The following PDE1C variants were observed in gnomAD, a reference collection of about 807,000 sequenced individuals.
PDE1C encodes the protein phosphodiesterase 1C.
A neutral mutation model predicts 93.1 loss-of-function variants in PDE1C; 62 were observed. The ratio of observed to expected loss-of-function variants is 0.67; its 90% CI spans 0.54 to 0.82. The LOEUF (loss-of-function observed/expected upper bound fraction) is 0.82, where lower values mean the gene tolerates loss of function less well. PDE1C is among the 40% of genes least tolerant of loss of function. PDE1C has a pLI of 0.00. For missense variants in PDE1C, 742 were observed against 884.6 expected, an observed-to-expected ratio of 0.84 and a Z score of 2.04; for synonymous variants, 325 against 310.1, an observed-to-expected ratio of 1.05 and a Z score of -0.50.
At chr7:32,106,720 GC>G (rs1798331062) in intron 3 of PDE1C, among the ~76,000 whole-genome samples, 1 of 152,204 alleles carries the variant, frequency 6.6e-6, no homozygotes, top group Admixed American at 6.5e-5. Flanking sequence ...CAAGAATTAG[GC>G]CTTAGAATTA....
the PDE1C span, among the ~76,000 whole-genome samples, chr7:31,669,959 C>T: frequency 6.6e-6 from 1 of 152,158 alleles, no homozygotes; most frequent in South Asian, 2.1e-4. Context: ...ATGTGTTCAA[C>T]CTTGGAATGT....
chr7:32,186,119 G>A (rs1418586325), intron 2 of PDE1C, among the ~76,000 whole-genome samples: 1 of 129,696 alleles, frequency 7.7e-6, no homozygotes, highest in East Asian at 2.3e-4. Context: ...TTTTTGAGAC[G>A]GAGTCTCGCT....
the PDE1C span, among the ~76,000 whole-genome samples, chr7:31,719,596 T>G: frequency 2.6e-5 from 4 of 152,110 alleles, no homozygotes; most frequent in Admixed American, 2.0e-4. Context: ...ACATAATCCC[T>G]CCATGCTCTC....
At chr7:32,356,683 G>T (rs1267086975) in intron 1 of PDE1C, among the ~76,000 whole-genome samples, 1 of 152,152 alleles carries the variant, frequency 6.6e-6, no homozygotes, top group South Asian at 2.1e-4. Flanking sequence ...TTAGCTGATG[G>T]TCTGTTAGTT....
At chr7:31,715,011 A>G in the PDE1C span, among the ~76,000 whole-genome samples, 1 of 152,198 alleles carries the variant, frequency 6.6e-6, no homozygotes. Context: ...ATGCTGGATT[A>G]TCACCATATG....
intron 2 of PDE1C, among the ~76,000 whole-genome samples, chr7:32,033,976 T>A (rs552648566): frequency 4.6e-5 from 7 of 152,026 alleles, no homozygotes; most frequent in Non-Finnish European, 7.3e-5. Flanking sequence ...ATCAGCTTAC[T>A]GGGTTATAGC....
intron 2 of PDE1C, among the ~76,000 whole-genome samples, chr7:31,944,877 T>C (rs1243534089): frequency 6.6e-6 from 1 of 152,090 alleles, no homozygotes. Context: ...CTCCTTAACG[T>C]TTTTGAAGAA....
At chr7:31,633,823 C>A in the PDE1C span, among the ~76,000 whole-genome samples, 1 of 152,132 alleles carries the variant, frequency 6.6e-6, no homozygotes, top group Non-Finnish European at 1.5e-5. Flanking sequence ...TTCAAACAGT[C>A]TGAGGTTGAA....
intron 3 of PDE1C, among the ~76,000 whole-genome samples, chr7:32,083,881 C>G (rs1796877319): frequency 6.6e-6 from 1 of 151,972 alleles, no homozygotes; most frequent in Non-Finnish European, 1.5e-5. Flanking sequence ...AAACCGGTAC[C>G]AGCTGCTGCA....
In PDE1C at chr7:32,034,768, T is replaced by C. The variant is rs193291890; in HGVS notation, c.128+16786A>G. Among the ~76,000 whole-genome samples the C allele has an allele frequency of 1.1e-4, 16 of 152,198 alleles. 1 individual carries two copies. The South Asian group carries it at 2.5e-3, about 24-fold the overall frequency. ...TAAGAGATTGGGGCCAAAAGTCAAATTGACCTCAATTGAACCAAGCCCCAT... is the reference window on the plus strand; with the variant it reads ...TAAGAGATTGGGGCCAAAAGTCAAACTGACCTCAATTGAACCAAGCCCCAT... On this transcript the variant is annotated intron_variant, in intron 2 of 17. Coordinates refer to ENST00000396191, the MANE Select transcript of PDE1C (RefSeq NM_001191057.4).
chr7:32,388,537 G>A (rs932531276), intron 1 of PDE1C, among the ~76,000 whole-genome samples: 2 of 151,856 alleles, frequency 1.3e-5, no homozygotes, highest in Non-Finnish European at 2.9e-5. Context: ...AAAATTAGCC[G>A]AGCATGGGGG....
At chr7:32,014,079 G>T (rs7783203) in intron 2 of PDE1C, among the ~76,000 whole-genome samples, 65,097 of 152,102 alleles carry the variant, frequency 0.43, 14,866 homozygotes, top group Non-Finnish European at 0.53. Flanking sequence ...GCCCTGTGGG[G>T]TTATGCAAAG....
At chr7:31,828,863 G>A (rs1790029987) in intron 11 of PDE1C, among the ~76,000 whole-genome samples, 1 of 151,986 alleles carries the variant, frequency 6.6e-6, no homozygotes, top group African/African-American at 2.4e-5. Context: ...AGTGCTTCTG[G>A]GTTTTTAACC....
the PDE1C span, among the ~76,000 whole-genome samples, chr7:31,659,718 T>C: frequency 6.6e-6 from 1 of 152,246 alleles, no homozygotes; most frequent in East Asian, 1.9e-4. Context: ...TCTGATGGTC[T>C]GCTTCTGAAA....
the PDE1C span, among the ~76,000 whole-genome samples, chr7:31,680,398 T>C: frequency 6.6e-6 from 1 of 152,200 alleles, no homozygotes; most frequent in East Asian, 1.9e-4. Context: ...GCATCAAGCC[T>C]GTTATGGAGT....
At chr7:32,213,133 C>A (rs1242985254) in intron 1 of PDE1C, among the ~76,000 whole-genome samples, 1 of 152,226 alleles carries the variant, frequency 6.6e-6, no homozygotes, top group Non-Finnish European at 1.5e-5. Flanking sequence ...TCTCAGACTG[C>A]CTTCCAGATG....
chr7:31,795,670 G>C (rs1785196061), intron 16 of PDE1C, among the ~76,000 whole-genome samples: 1 of 151,660 alleles, frequency 6.6e-6, no homozygotes, highest in African/African-American at 2.4e-5. Flanking sequence ...GGAGTTACTT[G>C]GTAAGAGACT....
Position 31,824,340 on chromosome 7 carries a change from T to G in PDE1C, c.1406+527A>C, listed in dbSNP as rs1367944965. Among the ~76,000 whole-genome samples, 4 of 152,198 alleles carry G rather than the reference T, an allele frequency of 2.6e-5. No homozygotes were observed. In the East Asian group the frequency reaches 7.8e-4, roughly 30 times the overall value. On this transcript the variant is annotated intron_variant, in intron 13 of 17. Transcript: ENST00000396191. ...GTATTATAATCCACGTTTTCTCAGA[T>G]GGGGGAAGTGAGACAATTGGCCTGC...
intron 2 of PDE1C, among the ~76,000 whole-genome samples, chr7:32,208,313 T>C (rs62456322): frequency 0.072 from 10,926 of 152,164 alleles, 706 homozygotes; most frequent in Admixed American, 0.2. Context: ...CTGTCCACAC[T>C]CAGACCTAGT....
Sources: gnomAD v4.1 joint callset for allele counts (sites outside exome capture counted in the v4.1 genomes callset) on GRCh38, gnomAD v4.1.1 for gene constraint, MANE v1.5 for transcripts, NCBI Gene and HGNC (gene_info 2026-07-23, HGNC 2026-07-21) for gene names.